Variants in AUNIP observed in about 807,000 individuals in gnomAD.
The protein encoded by AUNIP is aurora kinase A- and ninein-interacting protein.
In AUNIP, 16 loss-of-function variants were observed where a neutral mutation model predicts 12.2. The ratio of observed to expected loss-of-function variants is 1.31; its 90% CI spans 0.88 to 1.99. The LOEUF is 1.99. AUNIP is among the 30% of genes most tolerant of loss of function. AUNIP has a pLI of 0.00. For synonymous variants in AUNIP, 142 were observed against 154.8 expected (o/e 0.92, Z 0.61); for missense variants, 411 against 419.1 (o/e 0.98, Z 0.17).
intron 1 of AUNIP, among the ~76,000 whole-genome samples, chr1:25,841,919 T>C (rs369438812): frequency 2.0e-5 from 3 of 152,330 alleles, no homozygotes; most frequent in African/African-American, 7.2e-5. Context: ...ATGTTGTGCA[T>C]GTTTTGACTG....
At chr1:25,843,594 GAAAAAAAAAAAAAAAAA>G (rs769525747) in intron 1 of AUNIP, among the ~76,000 whole-genome samples, 1 of 31,890 alleles carries the variant, frequency 3.1e-5, no homozygotes, top group Non-Finnish European at 6.8e-5. Context: ...CTGTCTGTTT[GAAAAAAAAAAAAAAAAA>G]AAAAAAAAAA....
At chr1:25,832,255 C>T (rs550602452), downstream of AUNIP, 8 of 1,285,308 alleles carry the variant, frequency 6.2e-6, no homozygotes, top group Admixed American at 4.2e-5. Context: ...TTCAGGTAAT[C>T]GTGTAGAATG....
chr1:25,832,067 T>C (rs774733846), downstream of AUNIP: 1 of 1,613,872 alleles, frequency 6.2e-7, no homozygotes, highest in East Asian at 2.2e-5. Flanking sequence ...GCTCCTGGAA[T>C]ACCTTCAATA....
Position 25,835,505 on chromosome 1 carries a change from T to C in AUNIP, c.562A>G (p.Lys188Glu), listed in dbSNP as rs1041308040. 2 of 1,614,248 alleles carry C rather than the reference T, an allele frequency of 1.2e-6. No homozygotes were observed. The highest frequency in any genetic ancestry group is 1.7e-6 in the Non-Finnish European group (2 of 1,180,044). Residue 188 changes from lysine (K) to glutamate (E), a missense_variant, in exon 3 of 3, where the codon AAG (lysine) becomes GAG (glutamate). Transcript: ENST00000374298. ...DLESSCLLDR[K>E]EEKGDSARKW... ...CTGGCAGAATCCCCTTTTTCTTCCT[T>C]TCGGTCTAGCAAACAAGAACTTTCC...
rs1282694455 is a variant in AUNIP at position 25,859,290 on chromosome 1, C to T, written c.68G>A (p.Arg23Gln). ...CCCCCAGCGTCCCACCTGCACTTTC[C>T]GCCTCTTCAGCGCCGCCGCGTCCAG... ...VWLDAAALKR[R>Q]KVQTHLIKPG... Residue 23 changes from arginine (R) to glutamine (Q), a missense_variant, in exon 1 of 3, where the codon CGG (arginine) becomes CAG (glutamine). Arg to Gln is a conservative substitution (Grantham distance 43, BLOSUM62 1). Transcript: ENST00000374298. 4.4e-6 allele frequency: 7 copies of T among 1,577,534 alleles called. No homozygotes were observed. The Admixed American group carries it at 9.1e-5, about 20-fold the overall frequency.
At chr1:25,857,246 G>A (rs1217661095) in intron 1 of AUNIP, among the ~76,000 whole-genome samples, 1 of 132,286 alleles carries the variant, frequency 7.6e-6, no homozygotes, top group East Asian at 2.5e-4. Flanking sequence ...TGCACATTTT[G>A]ATTTTTTTTT....
downstream of AUNIP, among the ~76,000 whole-genome samples, chr1:25,833,673 G>A (rs1250060953): frequency 2.6e-5 from 4 of 151,878 alleles, no homozygotes; most frequent in African/African-American, 9.7e-5. Flanking sequence ...AGAATCACTT[G>A]CGCCCAGGAG....
intron 1 of AUNIP, among the ~76,000 whole-genome samples, chr1:25,856,162 C>T (rs2048458712): frequency 1.3e-5 from 2 of 151,618 alleles, no homozygotes; most frequent in Non-Finnish European, 2.9e-5. Flanking sequence ...GCCAGGAGTT[C>T]GAGACCAGCC....
intron 1 of AUNIP, among the ~76,000 whole-genome samples, chr1:25,837,894 A>C (rs964248766): frequency 6.6e-6 from 1 of 152,222 alleles, no homozygotes; most frequent in Non-Finnish European, 1.5e-5. Flanking sequence ...CAGTTGATGC[A>C]TTTTCAGTAG....
At chr1:25,845,597 A>G (rs192267041) in intron 1 of AUNIP, among the ~76,000 whole-genome samples, 4 of 152,316 alleles carry the variant, frequency 2.6e-5, no homozygotes, top group Admixed American at 6.5e-5. Flanking sequence ...GGTGTCTGAA[A>G]ACTTATCATC....
downstream of AUNIP, among the ~76,000 whole-genome samples, chr1:25,833,675 G>C (rs539168166): frequency 9.2e-5 from 14 of 151,662 alleles, no homozygotes; most frequent in African/African-American, 3.2e-4. Flanking sequence ...AATCACTTGC[G>C]CCCAGGAGGT....
intron 1 of AUNIP, among the ~76,000 whole-genome samples, chr1:25,856,877 G>A (rs1218380613): frequency 1.3e-5 from 2 of 151,818 alleles, no homozygotes; most frequent in Admixed American, 1.3e-4. Flanking sequence ...AGAAGCCACG[G>A]TGGGCAGATC....
intron 1 of AUNIP, among the ~76,000 whole-genome samples, chr1:25,855,868 T>G (rs972609427): frequency 6.6e-6 from 1 of 152,204 alleles, no homozygotes; most frequent in Non-Finnish European, 1.5e-5. Flanking sequence ...CCAAAGATTT[T>G]AACAAGTATC....
chr1:25,848,826 A>G (rs1003791697), intron 1 of AUNIP, among the ~76,000 whole-genome samples: 4 of 152,234 alleles, frequency 2.6e-5, no homozygotes, highest in African/African-American at 9.6e-5. Flanking sequence ...GTACTGTTAC[A>G]TATCACTGCT....
In AUNIP at chr1:25,851,585, G is replaced by A. The variant is rs1319400145; in HGVS notation, c.78+7695C>T. 5.3e-5 allele frequency among the ~76,000 whole-genome samples: 8 copies of A among 152,176 alleles called. No individual in the cohort carries two copies. In the South Asian group the frequency reaches 8.3e-4, roughly 16 times the overall value. On this transcript the variant is annotated intron_variant, in intron 1 of 2. Transcript: ENST00000374298. Reference sequence around the variant, plus strand: ...CCAAAGGAATTGAACTGAAAGTCCAGAAGTAAACCCTTACATTTACAGTCA... The same window carrying A: ...CCAAAGGAATTGAACTGAAAGTCCAAAAGTAAACCCTTACATTTACAGTCA...
At chr1:25,832,363 A>G (rs1418104253), downstream of AUNIP, 1 of 593,912 alleles carries the variant, frequency 1.7e-6, no homozygotes, top group Non-Finnish European at 3.0e-6. Flanking sequence ...ACTGCATTAG[A>G]CCCTATAGCT....
At chr1:25,833,255 C>G (rs1259159607), downstream of AUNIP, among the ~76,000 whole-genome samples, 6 of 152,058 alleles carry the variant, frequency 3.9e-5, no homozygotes, top group African/African-American at 1.4e-4. Context: ...GCTGGGACTA[C>G]AGGTATGCAC....
chr1:25,849,519 G>C (rs919482489), intron 1 of AUNIP, among the ~76,000 whole-genome samples: 1 of 152,122 alleles, frequency 6.6e-6, no homozygotes, highest in Non-Finnish European at 1.5e-5. Context: ...TTTGTGACTG[G>C]CTTCTTTCAC....
rs1364857694 is a variant in AUNIP at position 25,843,185 on chromosome 1, A to ATATATAT, written c.79-5632_79-5631insATATATA. Among the ~76,000 whole-genome samples the ATATATAT allele has an allele frequency of 9.0e-3, 1,119 of 124,814 alleles. 20 individuals carry two copies. Among genetic ancestry groups the ATATATAT allele is most frequent in the African/African-American group, 0.029 (983 of 33,460 alleles). 81.9% of individuals were successfully genotyped at this position (124,814 alleles called of 152,430 possible). On this transcript the variant is annotated intron_variant, in intron 1 of 2. Transcript: ENST00000374298. Reference sequence around the variant, plus strand: ...GAGACCCCATCTCAAAAAAAAAAAAAATATATATATATATATATTTTACTG... The same window carrying ATATATAT: ...GAGACCCCATCTCAAAAAAAAAAAAATATATATATATATATATATATATATTTTACTG...
Sources: gnomAD v4.1 joint callset for allele counts (sites outside exome capture counted in the v4.1 genomes callset) on GRCh38, gnomAD v4.1.1 for gene constraint, MANE v1.5 for transcripts, NCBI Gene and HGNC (gene_info 2026-07-23, HGNC 2026-07-21) for gene names.